The following WDR25 variants were observed in gnomAD, a reference collection of about 807,000 sequenced individuals.
WDR25 encodes the protein WD repeat-containing protein 25.
A neutral mutation model predicts 47.7 loss-of-function variants in WDR25; 35 were observed. The observed-to-expected ratio is 0.73, with a 90% CI of 0.56 to 0.97. The LOEUF (loss-of-function observed/expected upper bound fraction) is 0.97. Among genes scored for constraint, WDR25 ranks in the 50% least tolerant of loss-of-function variants. The probability of loss-of-function intolerance (pLI) is 0.00; values close to 1 mark genes in which losing one functional copy is unlikely to be tolerated. For missense variants in WDR25, 634 were observed against 704.7 expected (o/e 0.90, Z 1.14); for synonymous variants, 248 against 278.9 (o/e 0.89, Z 1.10).
chr14:100,409,205 T>G (rs1897633932), intron 2 of WDR25, among the ~76,000 whole-genome samples: 1 of 152,230 alleles, frequency 6.6e-6, no homozygotes, highest in African/African-American at 2.4e-5. Context: ...GCTTATCAAA[T>G]TGGAGACCCA....
rs137961091 is a variant in WDR25 at position 100,528,884 on chromosome 14, G to T, written c.1273-184G>T. On this transcript the variant is annotated intron_variant, in intron 5 of 6. Transcript: ENST00000402312. ...GAGGCCTTTTTCAGACTTCCGACTC[G>T]CAGGACTGTGTGATGTGAAATGTGT... Among the ~76,000 whole-genome samples, 227 of 152,304 alleles carry T rather than the reference G, an allele frequency of 1.5e-3. 1 individual carries two copies. The highest frequency in any genetic ancestry group is 5.4e-3 in the African/African-American group (224 of 41,564).
In WDR25 at chr14:100,389,704, T is replaced by C. The variant is rs570227217; in HGVS notation, c.822+7958T>C. Among the ~76,000 whole-genome samples the C allele has an allele frequency of 3.9e-5, 6 of 152,358 alleles. No homozygotes were observed. In the South Asian group the frequency reaches 1.2e-3, roughly 32 times the overall value. On this transcript the variant is annotated intron_variant, in intron 2 of 6. Transcript: ENST00000402312. ...TACCTTGATCTTCTACGTGGAATAC[T>C]GTGATACTGGCTGAAATGCAGGGAG...
chr14:100,389,643 C>A (rs1169754138), intron 2 of WDR25, among the ~76,000 whole-genome samples: 1 of 152,212 alleles, frequency 6.6e-6, no homozygotes, highest in Non-Finnish European at 1.5e-5. Context: ...CTCTGGCAGG[C>A]TTCCTGAAGT....
chr14:100,508,710 C>T (rs931406886), intron 4 of WDR25, among the ~76,000 whole-genome samples: 3 of 152,108 alleles, frequency 2.0e-5, no homozygotes, highest in Non-Finnish European at 4.4e-5. Flanking sequence ...AACAATCAGT[C>T]TTTTACCATT....
At chr14:100,447,135 T>G (rs1490260499) in intron 2 of WDR25, among the ~76,000 whole-genome samples, 2 of 152,254 alleles carry the variant, frequency 1.3e-5, no homozygotes, top group Non-Finnish European at 2.9e-5. Flanking sequence ...GTACAGTTTG[T>G]TAGGGAACCT....
At chr14:100,448,144 G>A (rs564772006) in intron 2 of WDR25, among the ~76,000 whole-genome samples, 4 of 142,048 alleles carry the variant, frequency 2.8e-5, no homozygotes, top group African/African-American at 5.1e-5. Flanking sequence ...GTGGTGAGCC[G>A]AGATCGTGCC....
chr14:100,481,475 G>T (rs1900201672), intron 3 of WDR25, among the ~76,000 whole-genome samples: 2 of 145,324 alleles, frequency 1.4e-5, no homozygotes, highest in South Asian at 2.2e-4. Context: ...ATCATTTGCT[G>T]GTTGTTTATT....
chr14:100,394,805 G>C (rs2140159572), intron 2 of WDR25, among the ~76,000 whole-genome samples: 1 of 152,312 alleles, frequency 6.6e-6, no homozygotes, highest in South Asian at 2.1e-4. Flanking sequence ...GGACAAAATA[G>C]GGAGGCCTAT....
At chr14:100,486,059 A>AC (rs1166428410) in intron 4 of WDR25, among the ~76,000 whole-genome samples, 1 of 151,440 alleles carries the variant, frequency 6.6e-6, no homozygotes, top group African/African-American at 2.4e-5. Flanking sequence ...AAAAAAAAAA[A>AC]CCGCCAAAAC....
chr14:100,528,435 CTT>C (rs66881970), intron 5 of WDR25, among the ~76,000 whole-genome samples: 6 of 130,994 alleles, frequency 4.6e-5, no homozygotes, highest in Admixed American at 7.9e-5. Context: ...TTCTTTCTTT[CTT>C]TTTTTTTTTT....
rs1244339328 is a variant in WDR25 at position 100,404,277 on chromosome 14, A to G, written c.822+22531A>G. On this transcript the variant is annotated intron_variant, in intron 2 of 6. Coordinates refer to ENST00000402312, the MANE Select transcript of WDR25 (RefSeq NM_001161476.3). The surrounding 1 kb of genome is among the most constrained non-coding windows in gnomAD (Gnocchi z 4.6). ...AGGTGCGGAGCTGGGAATGGAGTCC[A>G]GGGCTGTTTGCTCCCAAAGTCTATG... 2.0e-5 allele frequency among the ~76,000 whole-genome samples: 3 copies of G among 152,228 alleles called. No individual in the cohort carries two copies. Among genetic ancestry groups the G allele is most frequent in the Non-Finnish European group, 4.4e-5 (3 of 68,050 alleles).
intron 2 of WDR25, among the ~76,000 whole-genome samples, chr14:100,384,205 C>G (rs555762322): frequency 1.3e-5 from 2 of 152,360 alleles, no homozygotes; most frequent in Admixed American, 6.5e-5. Context: ...CATCTCCTGA[C>G]CCTCTTTTTT....
rs890391302 is a variant in WDR25 at position 100,527,230 on chromosome 14, CCAT to C, written c.1272+1196_1272+1198del. Among the ~76,000 whole-genome samples, 8 of 151,952 alleles carry C rather than the reference CCAT, an allele frequency of 5.3e-5. No homozygotes were observed. In the South Asian group the frequency reaches 1.5e-3, roughly 28 times the overall value. ...TCTAGCACCACCACCACCATTACCACCATCATCACCACCGTCATCTCTGTCACA... is the reference window on the plus strand; with the variant it reads ...TCTAGCACCACCACCACCATTACCACCATCACCACCGTCATCTCTGTCACA... On this transcript the variant is annotated intron_variant, in intron 5 of 6. Transcript: ENST00000402312.
chr14:100,525,200 C>T lies in WDR25; in HGVS notation c.1102-670C>T, dbSNP rs2030058233. ...ACTTGCTGGTCCTGGTACTGGGACC[C>T]TTCTCCATCCCCTCACCAGAGCTGG... On this transcript the variant is annotated intron_variant, in intron 4 of 6. Coordinates refer to ENST00000402312, the MANE Select transcript of WDR25 (RefSeq NM_001161476.3). This position sits in a 1 kb window ranked among gnomAD's most constrained non-coding sequence, Gnocchi z 4.6. Among the ~76,000 whole-genome samples, 1 of 152,196 alleles carries T rather than the reference C, an allele frequency of 6.6e-6. No homozygotes were observed. The highest frequency in any genetic ancestry group is 2.4e-5 in the African/African-American group (1 of 41,440).
intron 3 of WDR25, among the ~76,000 whole-genome samples, chr14:100,480,433 A>G (rs991665310): frequency 1.3e-5 from 2 of 152,224 alleles, no homozygotes; most frequent in African/African-American, 4.8e-5. Context: ...TCTGTTGATA[A>G]GTGACTACCA....
At chr14:100,426,725 G>C (rs1467129938) in intron 2 of WDR25, among the ~76,000 whole-genome samples, 1 of 152,184 alleles carries the variant, frequency 6.6e-6, no homozygotes, top group Non-Finnish European at 1.5e-5. Context: ...GGAAGAGGAA[G>C]ACTGCTGCCC....
chr14:100,438,009 G>A (rs1898553273), intron 2 of WDR25, among the ~76,000 whole-genome samples: 2 of 152,210 alleles, frequency 1.3e-5, no homozygotes, highest in Admixed American at 1.3e-4. Context: ...TGTTTCAGAT[G>A]ATTGTCCCAT....
rs1419758997 is a variant in WDR25 at position 100,529,502 on chromosome 14, C to G, written c.1413+294C>G. ...ATGGTCATGGGTGTCATTTCTGCAT[C>G]CTTCCCTTTCCTCACTGAGGCCAAG... On this transcript the variant is annotated intron_variant, in intron 6 of 6. Transcript: ENST00000402312. The surrounding 1 kb of genome is among the most constrained non-coding windows in gnomAD (Gnocchi z 5.1). 1.7e-6 allele frequency: 1 copy of G among 590,170 alleles called. No homozygotes were observed. The highest frequency in any genetic ancestry group is 3.0e-6 in the Non-Finnish European group (1 of 333,532). The allele number at this position is 590,170 out of a possible 1,614,324, so 36.6% of individuals were successfully genotyped here. A position where few individuals can be genotyped will look rare whatever the true frequency, so the allele number is the denominator to read the frequency against.
rs778622966 is a variant in WDR25, at chr14:100,449,735, C to T, written c.823-18286C>T. 9.9e-5 allele frequency among the ~76,000 whole-genome samples: 15 copies of T among 152,216 alleles called. No individual in the cohort carries two copies. The highest frequency in any genetic ancestry group is 3.4e-4 in the African/African-American group (14 of 41,458). ...CAGACAGAGTGATTTTAACGCAGCTCCTTGTCCTGGCTTAGGTGACGCCTC... is the reference window on the plus strand; with the variant it reads ...CAGACAGAGTGATTTTAACGCAGCTTCTTGTCCTGGCTTAGGTGACGCCTC... On this transcript the variant is annotated intron_variant, in intron 2 of 6. Transcript: ENST00000402312. The surrounding 1 kb of genome is among the most constrained non-coding windows in gnomAD (Gnocchi z 4.2).
Sources: allele counts gnomAD v4.1 joint callset (sites outside exome capture counted in the v4.1 genomes callset), GRCh38; gene constraint gnomAD v4.1.1; non-coding constraint Gnocchi (gnomAD v3.1); transcripts MANE v1.5; gene names NCBI Gene and HGNC (gene_info 2026-07-23, HGNC 2026-07-21).